Variants in KIRREL3 observed in about 807,000 individuals in gnomAD.
KIRREL3 encodes the protein kirre like nephrin family adhesion molecule 3.
KIRREL3 carries 36 observed loss-of-function variants against 89.7 expected under a neutral mutation model. That is an observed-to-expected ratio of 0.40 (90% CI 0.31 to 0.53). The LOEUF (loss-of-function observed/expected upper bound fraction) is 0.53. Ranked by LOEUF, KIRREL3 falls within the 20% of genes least tolerant of loss-of-function variation. The pLI is 0.49. For missense variants in KIRREL3, 864 were observed against 1,056.6 expected, an observed-to-expected ratio of 0.82 and a Z score of 2.53; for synonymous variants, 445 against 441.4, an observed-to-expected ratio of 1.01 and a Z score of -0.10.
chr11:126,761,597 A>C lies in KIRREL3; in HGVS notation c.56-198685T>G, dbSNP rs1173535829. On this transcript the variant is annotated intron_variant, in intron 1 of 16. Coordinates refer to ENST00000525144, the MANE Select transcript of KIRREL3 (RefSeq NM_032531.4). The surrounding 1 kb of genome is among the most constrained non-coding windows in gnomAD (Gnocchi z 4.4). ...TAAATGCATGCCTAACTCAAAGGAC[A>C]GATTATATGGTTACACTGTTATTAC... is the stretch of plus-strand genomic sequence containing the variant. Among the ~76,000 whole-genome samples the C allele has an allele frequency of 6.6e-6, 1 of 152,250 alleles. No individual in the cohort carries two copies. Among genetic ancestry groups the C allele is most frequent in the Non-Finnish European group, 1.5e-5 (1 of 68,044 alleles).
rs1946502278 is a variant in KIRREL3 at position 126,904,632 on chromosome 11, A to AG, written c.55+95822dup. 6.6e-6 allele frequency among the ~76,000 whole-genome samples: 1 copy of AG among 152,236 alleles called. No individual in the cohort carries two copies. Among genetic ancestry groups the AG allele is most frequent in the Non-Finnish European group, 1.5e-5 (1 of 68,038 alleles). On this transcript the variant is annotated intron_variant, in intron 1 of 16. Transcript: ENST00000525144. The surrounding 1 kb of genome is among the most constrained non-coding windows in gnomAD (Gnocchi z 4.4). ...AGGAAAAGAAATAATCTGTCTTACA[A>AG]GGCTGTTCTTACTTATACCAAGAAC...
At position 126,994,585 on chromosome 11, in the gene KIRREL3, A is replaced by T. The variant is rs553183873; in HGVS notation, c.55+5870T>A. On this transcript the variant is annotated intron_variant, in intron 1 of 16. Transcript: ENST00000525144. This position sits in a 1 kb window ranked among gnomAD's most constrained non-coding sequence, Gnocchi z 5.2. The stretch of plus-strand genomic sequence containing the variant: ...GTGATATAAAGGAAACACTTATCCA[A>T]TATTGACATTTACCAACTTCTAGAA... 1.3e-5 allele frequency among the ~76,000 whole-genome samples: 2 copies of T among 152,322 alleles called. No individual in the cohort carries two copies. Among genetic ancestry groups the T allele is most frequent in the East Asian group, 3.9e-4 (2 of 5,180 alleles).
intron 4 of KIRREL3, among the ~76,000 whole-genome samples, chr11:126,505,381 C>T (rs775654261): frequency 1.1e-4 from 17 of 152,136 alleles, no homozygotes; most frequent in Non-Finnish European, 1.9e-4. Context: ...ACCAGCCTGG[C>T]CAACATGGTG....
intron 1 of KIRREL3, among the ~76,000 whole-genome samples, chr11:126,602,431 C>T (rs144470467): frequency 1.3e-4 from 20 of 152,322 alleles, no homozygotes; most frequent in Admixed American, 7.8e-4. Flanking sequence ...GGTGCCTCGT[C>T]GTCGTTTATG....
Position 126,666,259 on chromosome 11 carries a change from G to T in KIRREL3, c.56-103347C>A, listed in dbSNP as rs1945659328. Among the ~76,000 whole-genome samples the T allele has an allele frequency of 6.6e-6, 1 of 152,180 alleles. No homozygotes were observed. The highest frequency in any genetic ancestry group is 2.4e-5 in the African/African-American group (1 of 41,436). ...AGGTTTTCTTGTTATCCTCCTCCCT[G>T]TATCTATAATGGACAGCCTTGGGTT... On this transcript the variant is annotated intron_variant, in intron 1 of 16. Coordinates refer to ENST00000525144, the MANE Select transcript of KIRREL3 (RefSeq NM_032531.4). This position sits in a 1 kb window ranked among gnomAD's most constrained non-coding sequence, Gnocchi z 4.2.
At chr11:126,728,819 T>C (rs998430462) in intron 1 of KIRREL3, among the ~76,000 whole-genome samples, 2 of 152,232 alleles carry the variant, frequency 1.3e-5, no homozygotes, top group Non-Finnish European at 2.9e-5. Context: ...TCTTCTCTCC[T>C]GCATTAATTC....
Position 126,976,730 on chromosome 11 carries a change from T to C in KIRREL3, c.55+23725A>G, listed in dbSNP as rs1048012704. 6.6e-6 allele frequency among the ~76,000 whole-genome samples: 1 copy of C among 152,226 alleles called. No individual in the cohort carries two copies. Among genetic ancestry groups the C allele is most frequent in the Non-Finnish European group, 1.5e-5 (1 of 68,044 alleles). On this transcript the variant is annotated intron_variant, in intron 1 of 16. Transcript: ENST00000525144. The surrounding 1 kb of genome is among the most constrained non-coding windows in gnomAD (Gnocchi z 4.2). ...AATATGCTGTACTTGCAGCGTATCATTTAATCTACTTAACAAATCTATGGC... is the reference window on the plus strand; with the variant it reads ...AATATGCTGTACTTGCAGCGTATCACTTAATCTACTTAACAAATCTATGGC...
chr11:126,864,765 T>C (rs992482888), intron 1 of KIRREL3, among the ~76,000 whole-genome samples: 1 of 152,150 alleles, frequency 6.6e-6, no homozygotes, highest in South Asian at 2.1e-4. Context: ...GAAAATAAAT[T>C]GCCTTGAGTG....
At chr11:126,865,214 T>G (rs574425462) in intron 1 of KIRREL3, among the ~76,000 whole-genome samples, 19 of 152,384 alleles carry the variant, frequency 1.2e-4, no homozygotes, top group African/African-American at 4.3e-4. Flanking sequence ...TTGACTGTTC[T>G]GAGCCAAGAT....
intron 1 of KIRREL3, among the ~76,000 whole-genome samples, chr11:126,603,002 G>A (rs1007105180): frequency 2.0e-5 from 3 of 152,094 alleles, no homozygotes; most frequent in Non-Finnish European, 4.4e-5. Context: ...AATAGGAGAC[G>A]CTCTCTCTCC....
At position 126,802,713 on chromosome 11, in the gene KIRREL3, A is replaced by C. The variant is rs1951079231; in HGVS notation, c.55+197742T>G. Among the ~76,000 whole-genome samples, 1 of 152,230 alleles carries C rather than the reference A, an allele frequency of 6.6e-6. No homozygotes were observed. Among genetic ancestry groups the C allele is most frequent in the Admixed American group, 6.5e-5 (1 of 15,288 alleles). ...CCTGAATTGGAATAACTGGATAAGT[A>C]ATTATCCTACTCTTTAAATCAATCT... is the stretch of plus-strand genomic sequence containing the variant. On this transcript the variant is annotated intron_variant, in intron 1 of 16. Transcript: ENST00000525144. This position sits in a 1 kb window ranked among gnomAD's most constrained non-coding sequence, Gnocchi z 5.2.
intron 1 of KIRREL3, among the ~76,000 whole-genome samples, chr11:126,911,242 A>G (rs1257262784): frequency 6.6e-6 from 1 of 152,228 alleles, no homozygotes; most frequent in African/African-American, 2.4e-5. Context: ...AATAAAAAGC[A>G]GCCACCATGC....
rs764347160 is a variant in KIRREL3, at chr11:126,903,501, G to A, written c.55+96954C>T. 2.6e-5 allele frequency among the ~76,000 whole-genome samples: 4 copies of A among 152,150 alleles called. No homozygotes were observed. Among genetic ancestry groups the A allele is most frequent in the Non-Finnish European group, 4.4e-5 (3 of 68,024 alleles). ...AGCAAGGAGAGCTGAGCGTTTTTCC[G>A]ACTTAGCTTTTCTTTCTCTAACCCT... On this transcript the variant is annotated intron_variant, in intron 1 of 16. Coordinates refer to ENST00000525144, the MANE Select transcript of KIRREL3 (RefSeq NM_032531.4). The surrounding 1 kb of genome is among the most constrained non-coding windows in gnomAD (Gnocchi z 4.5).
Position 126,486,718 on chromosome 11 carries a change from G to C in KIRREL3, c.434-13252C>G, listed in dbSNP as rs77123124. Among the ~76,000 whole-genome samples, 3,441 of 152,268 alleles carry C rather than the reference G, an allele frequency of 0.023. 137 individuals are homozygous for C. The highest frequency in any genetic ancestry group is 0.074 in the African/African-American group (3,070 of 41,548). On this transcript the variant is annotated intron_variant, in intron 4 of 16. Transcript: ENST00000525144. The surrounding 1 kb of genome is among the most constrained non-coding windows in gnomAD (Gnocchi z 6.2). ...AGGCTGGCCAAAACATTTGGGGCAA[G>C]TCACGCAACTGGCAAGGACTCTGGC...
chr11:126,836,122 A>T (rs1453436757), intron 1 of KIRREL3, among the ~76,000 whole-genome samples: 1 of 152,128 alleles, frequency 6.6e-6, no homozygotes, highest in African/African-American at 2.4e-5. Flanking sequence ...TATTTTAATC[A>T]TTTCCCCACA....
chr11:126,449,434 G>T (rs1281049838), intron 7 of KIRREL3, among the ~76,000 whole-genome samples: 1 of 152,240 alleles, frequency 6.6e-6, no homozygotes, highest in African/African-American at 2.4e-5. Flanking sequence ...TCTGGAGGGG[G>T]TGAGTTGATT....
intron 1 of KIRREL3, among the ~76,000 whole-genome samples, chr11:126,874,986 C>T (rs1945229261): frequency 6.6e-6 from 1 of 152,148 alleles, no homozygotes; most frequent in African/African-American, 2.4e-5. Flanking sequence ...AGGTCTGTGT[C>T]TGCCCCTTCC....
At position 126,609,756 on chromosome 11, in the gene KIRREL3, G is replaced by T. The variant is rs1943045712; in HGVS notation, c.56-46844C>A. Among the ~76,000 whole-genome samples, 1 of 152,186 alleles carries T rather than the reference G, an allele frequency of 6.6e-6. No individual in the cohort carries two copies. Among genetic ancestry groups the T allele is most frequent in the African/African-American group, 2.4e-5 (1 of 41,438 alleles). ...ATCGGTATGGGGGTGTGGCTACAAG[G>T]TTTCAGAGCTCCCCAGTATTCTAAT... On this transcript the variant is annotated intron_variant, in intron 1 of 16. Coordinates refer to ENST00000525144, the MANE Select transcript of KIRREL3 (RefSeq NM_032531.4). This position sits in a 1 kb window ranked among gnomAD's most constrained non-coding sequence, Gnocchi z 5.0.
At position 126,429,879 on chromosome 11, in the gene KIRREL3, G is replaced by A. The variant is rs747546232; in HGVS notation, c.1697-591C>T. Among the ~76,000 whole-genome samples the A allele has an allele frequency of 3.9e-5, 6 of 152,256 alleles. No homozygotes were observed. The highest frequency in any genetic ancestry group is 6.5e-5 in the Admixed American group (1 of 15,282). On this transcript the variant is annotated intron_variant, in intron 14 of 16. Coordinates refer to ENST00000525144, the MANE Select transcript of KIRREL3 (RefSeq NM_032531.4). This position sits in a 1 kb window ranked among gnomAD's most constrained non-coding sequence, Gnocchi z 5.2. The stretch of plus-strand genomic sequence containing the variant: ...TGGCTGGGTGCGGTGGCTCACGCCT[G>A]TAATCCCAGCACTTTGGGAGGCCGA...
Sources: allele counts gnomAD v4.1 joint callset (sites outside exome capture counted in the v4.1 genomes callset), GRCh38; gene constraint gnomAD v4.1.1; non-coding constraint Gnocchi (gnomAD v3.1); transcripts MANE v1.5; gene names NCBI Gene and HGNC (gene_info 2026-07-23, HGNC 2026-07-21).